Variants in NYNRIN observed in about 807,000 individuals in gnomAD.
NYNRIN encodes NYN domain and retroviral integrase containing, also known as protein NYNRIN.
NYNRIN carries 86 observed loss-of-function variants against 146.6 expected under a neutral mutation model. The observed-to-expected ratio is 0.59, with a 90% CI of 0.49 to 0.70. NYNRIN has a LOEUF of 0.70. NYNRIN is among the 30% of genes least tolerant of loss of function. NYNRIN has a pLI of 0.00. For synonymous variants in NYNRIN, 1,027 were observed against 1,001.3 expected (o/e 1.03, Z -0.48); for missense variants, 2,191 against 2,377.7 (o/e 0.92, Z 1.63).
Position 24,417,052 on chromosome 14 carries a change from T to C in NYNRIN, c.5303T>C (p.Leu1768Pro), listed in dbSNP as rs747751902. The C allele has an allele frequency of 3.7e-6, 6 of 1,611,828 alleles. No homozygotes were observed. In the Admixed American group the frequency reaches 8.3e-5, roughly 22 times the overall value. ...FKVLTGGESRLTEPLWWEMSS... is the reference protein window; with the variant it reads ...FKVLTGGESRPTEPLWWEMSS... ...GTCCTGACCGGGGGTGAGTCAAGGC[T>C]CACGGAGCCCCTGTGGTGGGAGATG... The change falls in exon 9 of 9, where the codon CTC becomes CCC. Residue 1768 changes from leucine (L) to proline (P), a missense_variant. This residue lies in a region of NYNRIN where 1,291 missense variants were observed against 1,417.0 expected (regional missense o/e 0.91). Transcript: ENST00000382554.
At chr14:24,410,725 A>C (rs1235402828) in intron 4 of NYNRIN, among the ~76,000 whole-genome samples, 1 of 152,254 alleles carries the variant, frequency 6.6e-6, no homozygotes, top group African/African-American at 2.4e-5. Flanking sequence ...TTATCTGTGC[A>C]GAGCACACTC....
Position 24,413,340 on chromosome 14 carries a change from G to A in NYNRIN, c.2769G>A (p.Gly923=), listed in dbSNP as rs1283949954. 2.5e-6 allele frequency: 4 copies of A among 1,613,354 alleles called. No individual in the cohort carries two copies. Among genetic ancestry groups the A allele is most frequent in the South Asian group, 1.1e-5 (1 of 90,886 alleles). ...KDRLLPFTFA[G]NLFMVPDDPL... The stretch of plus-strand genomic sequence containing the variant: ...GCTTGCTGCCTTTCACCTTTGCGGG[G>A]AATCTCTTCATGGTGCCTGATGACC... The change falls in exon 8 of 9, where the codon GGG becomes GGA. Residue 923 remains glycine, a synonymous_variant. Coordinates refer to ENST00000382554, the MANE Select transcript of NYNRIN (RefSeq NM_025081.3).
Position 24,414,909 on chromosome 14 carries a change from A to G in NYNRIN, c.3160A>G (p.Ile1054Val), listed in dbSNP as rs1447806866. ...TGATCCCCCTGATGGGGCCCTGGAC[A>G]TCGACCTCCTGCCAGGGGCAGCTTC... ...LHDPPDGALD[I>V]DLLPGAASPY... is the part of the protein sequence containing the mutation. The change falls in exon 9 of 9, where the codon ATC (isoleucine) becomes GTC (valine). Residue 1054 changes from isoleucine (I) to valine (V), a missense_variant. This residue lies in a region of NYNRIN where 1,291 missense variants were observed against 1,417.0 expected (regional missense o/e 0.91). Transcript: ENST00000382554. 6 of 1,603,920 alleles carry G rather than the reference A, an allele frequency of 3.7e-6. No homozygotes were observed. The African/African-American group carries it at 6.7e-5, about 18-fold the overall frequency.
At chr14:24,403,435 G>A (rs1212723740) in intron 2 of NYNRIN, among the ~76,000 whole-genome samples, 2 of 152,130 alleles carry the variant, frequency 1.3e-5, no homozygotes, top group African/African-American at 2.4e-5. Context: ...GGCATCCTTT[G>A]CCTTTTTTCT....
rs1284703051 is a variant in NYNRIN at position 24,418,905 on chromosome 14, A to G, written c.*1459A>G. 3 of 152,246 alleles carry G rather than the reference A, an allele frequency of 2.0e-5. No homozygotes were observed. The highest frequency in any genetic ancestry group is 4.4e-5 in the Non-Finnish European group (3 of 68,042). The allele number at this position is 152,246 out of a possible 1,614,324, so 9.4% of individuals were successfully genotyped here. On this transcript the variant is annotated 3_prime_UTR_variant, in exon 9 of 9. Coordinates refer to ENST00000382554, the MANE Select transcript of NYNRIN (RefSeq NM_025081.3). ...TTCCTGACTCCCAGTTCACCATGAA[A>G]AGGGTTCTGGCAACAGGTTCAAGCT...
In NYNRIN at chr14:24,411,051, C is replaced by G; in HGVS notation, c.2415-25C>G. On this transcript the variant is annotated intron_variant, in intron 4 of 8. Transcript: ENST00000382554. This position sits in a 1 kb window ranked among gnomAD's most constrained non-coding sequence, Gnocchi z 4.3. ...TGAGGGAGGAGTGGTGAGGCAGGGT[C>G]TTTCCTTGTCCCACGACCCCACAGG... 1 of 1,613,222 alleles carries G rather than the reference C, an allele frequency of 6.2e-7. No homozygotes were observed.
chr14:24,405,067 A>T (rs1454264331), intron 2 of NYNRIN, among the ~76,000 whole-genome samples: 1 of 126,446 alleles, frequency 7.9e-6, no homozygotes, highest in Admixed American at 7.8e-5. Flanking sequence ...AATGTGTGTG[A>T]ATGTGTGTGT....
Position 24,410,069 on chromosome 14 carries a change from C to A in NYNRIN, c.2275C>A (p.Leu759Met). ...EGAPRQPPRH[L>M]QANSTVTSFQ... is the part of the protein sequence containing the mutation. ...GGCCCCAAGGCAGCCACCTCGCCAC[C>A]TGCAAGCGAACAGCACAGTGACCAG... Residue 759 changes from leucine (L) to methionine (M), a missense_variant, in exon 4 of 9, where the codon CTG (leucine) becomes ATG (methionine). Transcript: ENST00000382554. 6.2e-7 allele frequency: 1 copy of A among 1,613,976 alleles called. No individual in the cohort carries two copies. The highest frequency in any genetic ancestry group is 8.5e-7 in the Non-Finnish European group (1 of 1,179,906).
chr14:24,412,585 T>A (rs1297948150), intron 6 of NYNRIN: 2 of 188,732 alleles, frequency 1.1e-5, no homozygotes, highest in Non-Finnish European at 2.2e-5. Flanking sequence ...AAAAGTATTA[T>A]CTCATTCAGT....
Position 24,416,679 on chromosome 14 carries a change from A to G in NYNRIN, c.4930A>G (p.Arg1644Gly). 6.2e-7 allele frequency: 1 copy of G among 1,613,896 alleles called. No individual in the cohort carries two copies. Among genetic ancestry groups the G allele is most frequent in the Non-Finnish European group, 8.5e-7 (1 of 1,179,844 alleles). Residue 1644 changes from arginine to glycine, a missense_variant, in exon 9 of 9, where the codon AGG becomes GGG. Physicochemically the swap from Arg to Gly is moderately radical, Grantham distance 125. Coordinates refer to ENST00000382554, the MANE Select transcript of NYNRIN (RefSeq NM_025081.3). ...ACTTATTGTGGCTGACCCAAACACC[A>G]GGTGGGTGGAGGCATTCCCCCTGAA... ...HVLIVADPNT[R>G]WVEAFPLKPY...
chr14:24,401,880 G>A (rs890698551), intron 2 of NYNRIN, among the ~76,000 whole-genome samples: 2 of 152,254 alleles, frequency 1.3e-5, no homozygotes, highest in African/African-American at 4.8e-5. Context: ...CATTTCCCAA[G>A]TGTAAGGATG....
At chr14:24,406,531 A>G (rs1007066651) in intron 2 of NYNRIN, among the ~76,000 whole-genome samples, 1 of 152,186 alleles carries the variant, frequency 6.6e-6, no homozygotes, top group South Asian at 2.1e-4. Context: ...ACTGATTGAA[A>G]AGGGGTTAGA....
chr14:24,406,765 G>A (rs1478001262), intron 2 of NYNRIN, among the ~76,000 whole-genome samples: 1 of 152,208 alleles, frequency 6.6e-6, no homozygotes, highest in Non-Finnish European at 1.5e-5. Flanking sequence ...GGATGTGGAG[G>A]GGCATGGGGG....
chr14:24,409,939 G>A lies in NYNRIN; in HGVS notation c.2145G>A (p.Lys715=). 1 of 1,613,756 alleles carries A rather than the reference G, an allele frequency of 6.2e-7. No individual in the cohort carries two copies. The highest frequency in any genetic ancestry group is 1.3e-5 in the African/African-American group (1 of 75,056). ...PTSRASVSLL[K]GQGQAGRQGP... ...CAAGGGCTAGTGTCTCCTTACTGAAGGGCCAGGGGCAGGCTGGAAGGCAGG... is the reference window on the plus strand; with the variant it reads ...CAAGGGCTAGTGTCTCCTTACTGAAAGGCCAGGGGCAGGCTGGAAGGCAGG... The change falls in exon 4 of 9, where the codon AAG becomes AAA. Residue 715 remains lysine, a synonymous_variant. Coordinates refer to ENST00000382554, the MANE Select transcript of NYNRIN (RefSeq NM_025081.3).
chr14:24,414,878 C>A lies in NYNRIN; in HGVS notation c.3129C>A (p.Ser1043Arg). 3.7e-6 allele frequency: 6 copies of A among 1,609,624 alleles called. No individual in the cohort carries two copies. The highest frequency in any genetic ancestry group is 5.1e-6 in the Non-Finnish European group (6 of 1,176,614). The change falls in exon 9 of 9, where the codon AGC becomes AGA. Residue 1043 changes from serine to arginine, a missense_variant. By Grantham distance (110) the Ser-to-Arg change is moderately radical (BLOSUM62 -1). Coordinates refer to ENST00000382554, the MANE Select transcript of NYNRIN (RefSeq NM_025081.3). ...CGGAGGAGATCCTGCGGTGCCTCAG[C>A]CTCCATGATCCCCCTGATGGGGCCC... Reference protein sequence around the residue: ...SLSEEILRCLSLHDPPDGALD... With the variant: ...SLSEEILRCLRLHDPPDGALD...
At chr14:24,406,481 G>C (rs1438193772) in intron 2 of NYNRIN, among the ~76,000 whole-genome samples, 4 of 152,186 alleles carry the variant, frequency 2.6e-5, no homozygotes, top group Non-Finnish European at 5.9e-5. Context: ...GGTAGGAGGG[G>C]TTGGCTTGGG....
In NYNRIN at chr14:24,408,698, G is replaced by A; in HGVS notation, c.904G>A (p.Gly302Arg). ...TGGTATGGACAGTGCTCAAGAGGAA[G>A]GGACAGTGCAAGCCACCAGCAGCCA... ...QDGMDSAQEE[G>R]TVQATSSQDS... The change falls in exon 4 of 9, where the codon GGG (glycine) becomes AGG (arginine). Residue 302 changes from glycine (G) to arginine (R), a missense_variant. Physicochemically the swap from Gly to Arg is moderately radical, Grantham distance 125 (BLOSUM62 -2). This residue lies in a region of NYNRIN where 895 missense variants were observed against 941.2 expected (regional missense o/e 0.95). Transcript: ENST00000382554. 1.2e-6 allele frequency: 2 copies of A among 1,613,360 alleles called. No individual in the cohort carries two copies. Among genetic ancestry groups the A allele is most frequent in the Middle Eastern group, 1.6e-4 (1 of 6,062 alleles).
chr14:24,411,594 C>T lies in NYNRIN; in HGVS notation c.2642+144C>T, dbSNP rs867793840. 85 of 720,582 alleles carry T rather than the reference C, an allele frequency of 1.2e-4. No individual in the cohort carries two copies. Among genetic ancestry groups the T allele is most frequent in the African/African-American group, 7.7e-4 (44 of 56,868 alleles). The allele number at this position is 720,582 out of a possible 1,614,324, so 44.6% of individuals were successfully genotyped here. A position where few individuals can be genotyped will look rare whatever the true frequency, so the allele number is the denominator to read the frequency against. ...GTTGTGCAGAGGGTGGGGTGGAGCACGGGCATCTGTCAGCAGAGGGATGGG... is the reference window on the plus strand; with the variant it reads ...GTTGTGCAGAGGGTGGGGTGGAGCATGGGCATCTGTCAGCAGAGGGATGGG... On this transcript the variant is annotated intron_variant, in intron 6 of 8. Transcript: ENST00000382554. This position sits in a 1 kb window ranked among gnomAD's most constrained non-coding sequence, Gnocchi z 4.3.
Position 24,415,677 on chromosome 14 carries a change from A to C in NYNRIN, c.3928A>C (p.Ile1310Leu). 6.2e-7 allele frequency: 1 copy of C among 1,613,992 alleles called. No homozygotes were observed. The highest frequency in any genetic ancestry group is 8.5e-7 in the Non-Finnish European group (1 of 1,179,896). Residue 1310 changes from isoleucine (I) to leucine (L), a missense_variant, in exon 9 of 9, where the codon ATC becomes CTC. Coordinates refer to ENST00000382554, the MANE Select transcript of NYNRIN (RefSeq NM_025081.3). ...PFSDLSTFVC[I>L]HMSGYCFYRE... is the part of the protein sequence containing the mutation. ...CTCTGACCTGTCCACGTTCGTCTGCATCCACATGTCGGGCTACTGCTTCTA... is the reference window on the plus strand; with the variant it reads ...CTCTGACCTGTCCACGTTCGTCTGCCTCCACATGTCGGGCTACTGCTTCTA...
Sources: gnomAD v4.1 joint callset for allele counts (sites outside exome capture counted in the v4.1 genomes callset) on GRCh38, gnomAD v4.1.1 for gene constraint, gnomAD v4.1.1 regional missense constraint, Gnocchi (gnomAD v3.1) non-coding constraint, MANE v1.5 for transcripts, NCBI Gene and HGNC (gene_info 2026-07-23, HGNC 2026-07-21) for gene names.